The following SHROOM3 variants were observed in gnomAD, a reference collection of about 807,000 sequenced individuals.
The protein encoded by SHROOM3 is protein Shroom3.
Under a neutral mutation model 138.6 loss-of-function variants are expected in SHROOM3, and 47 were observed. The observed-to-expected ratio is 0.34, with a 90% confidence interval of 0.27 to 0.43. The LOEUF (loss-of-function observed/expected upper bound fraction) is 0.43, where lower values mean the gene tolerates loss of function less well. Ranked by LOEUF, SHROOM3 falls within the 20% of genes least tolerant of loss-of-function variation. SHROOM3 has a pLI of 1.00. For synonymous variants in SHROOM3, 1,062 were observed against 1,063.3 expected (o/e 1.00, Z 0.02); for missense variants, 2,491 against 2,596.5 (o/e 0.96, Z 0.88).
intron 1 of SHROOM3, among the ~76,000 whole-genome samples, chr4:76,447,839 T>G (rs945089173): frequency 6.6e-6 from 1 of 152,110 alleles, no homozygotes; most frequent in Non-Finnish European, 1.5e-5. Context: ...CTTGAAAGCA[T>G]TACTATCACA....
chr4:76,590,073 A>C (rs1257998631), intron 2 of SHROOM3, among the ~76,000 whole-genome samples: 2 of 152,188 alleles, frequency 1.3e-5, no homozygotes, highest in East Asian at 3.9e-4. Context: ...CTCTCTGGGC[A>C]CTAAAATGCT....
intron 2 of SHROOM3, among the ~76,000 whole-genome samples, chr4:76,608,260 A>G (rs1047847741): frequency 1.3e-5 from 2 of 152,216 alleles, no homozygotes; most frequent in South Asian, 4.1e-4. Flanking sequence ...GCATTCGTTC[A>G]TCAGTGAGCC....
At chr4:76,639,872 T>A (rs1254619580) in intron 2 of SHROOM3, among the ~76,000 whole-genome samples, 2 of 152,198 alleles carry the variant, frequency 1.3e-5, no homozygotes, top group Non-Finnish European at 2.9e-5. Context: ...CCTAAAGGAA[T>A]CTTATTTCTG....
At position 76,555,638 on chromosome 4, in the gene SHROOM3, G is replaced by A. The variant is rs1190315439; in HGVS notation, c.198G>A (p.Leu66=). 1 of 1,613,844 alleles carries A rather than the reference G, an allele frequency of 6.2e-7. No individual in the cohort carries two copies. Among genetic ancestry groups the A allele is most frequent in the African/African-American group, 1.3e-5 (1 of 74,896 alleles). Residue 66 remains leucine, a synonymous_variant, in exon 2 of 11, where the codon CTG becomes CTA. Coordinates refer to ENST00000296043, the MANE Select transcript of SHROOM3 (RefSeq NM_020859.4). ...AAGAAGGGGGCAAAGCAGACACCCT[G>A]AGCTCCAAACTGCAGGCTGGGGATG... The part of the protein sequence containing the change: ...KVEEGGKADT[L]SSKLQAGDEV...
chr4:76,442,013 C>A (rs182632309), intron 1 of SHROOM3, among the ~76,000 whole-genome samples: 60 of 152,348 alleles, frequency 3.9e-4, no homozygotes, highest in Admixed American at 5.2e-4. Flanking sequence ...TGAGCCACCC[C>A]ACTCGGCTTC....
At chr4:76,771,636 G>C (rs183408552) in intron 10 of SHROOM3, among the ~76,000 whole-genome samples, 1 of 152,242 alleles carries the variant, frequency 6.6e-6, no homozygotes, top group East Asian at 1.9e-4. Context: ...TCGAAGGGAG[G>C]GTACAGGGGG....
intron 2 of SHROOM3, among the ~76,000 whole-genome samples, chr4:76,680,449 C>G (rs1719160236): frequency 6.6e-6 from 1 of 152,178 alleles, no homozygotes; most frequent in Non-Finnish European, 1.5e-5. Context: ...CGACCTATAC[C>G]TTTTACAAGT....
chr4:76,468,756 G>A (rs578012155), intron 1 of SHROOM3, among the ~76,000 whole-genome samples: 18 of 152,152 alleles, frequency 1.2e-4, no homozygotes, highest in African/African-American at 3.9e-4. Context: ...ATGGCCTGGC[G>A]CGGTAGCTCA....
chr4:76,665,224 G>A (rs1179536397), intron 2 of SHROOM3, among the ~76,000 whole-genome samples: 3 of 152,206 alleles, frequency 2.0e-5, no homozygotes, highest in Non-Finnish European at 4.4e-5. Context: ...GCCTCCAACT[G>A]TGGAACCACC....
chr4:76,577,331 G>T (rs1733961452), intron 2 of SHROOM3, among the ~76,000 whole-genome samples: 1 of 152,174 alleles, frequency 6.6e-6, no homozygotes. Context: ...TGCTGGGGAA[G>T]GTCTGATTGT....
chr4:76,436,058 G>A lies in SHROOM3; in HGVS notation c.6G>A (p.Met2Ile), dbSNP rs757873200. The change falls in exon 1 of 11, where the codon ATG becomes ATA. Residue 2 changes from methionine to isoleucine, a missense_variant. By Grantham distance (10) the Met-to-Ile change is conservative. Transcript: ENST00000296043. ...TGAGGGATCATGTGTTTGGCATGAT[G>A]AGGACCACTGAAGACTTCCACAAGC... is the stretch of plus-strand genomic sequence containing the variant. M[M>I]RTTEDFHKPS... The A allele has an allele frequency of 2.5e-6, 4 of 1,613,908 alleles. No homozygotes were observed. The East Asian group carries it at 8.9e-5, about 36-fold the overall frequency.
intron 3 of SHROOM3, chr4:76,716,295 T>C (rs372520953): frequency 5.7e-4 from 294 of 518,890 alleles, no homozygotes; most frequent in Non-Finnish European, 1.0e-3. Flanking sequence ...GCTTTTACCA[T>C]GCTGTGGGGA....
At chr4:76,598,940 G>A (rs1733910551) in intron 2 of SHROOM3, among the ~76,000 whole-genome samples, 2 of 152,174 alleles carry the variant, frequency 1.3e-5, no homozygotes, top group Non-Finnish European at 2.9e-5. Context: ...GTGAGAAAAG[G>A]CTGCTCCAGG....
intron 3 of SHROOM3, among the ~76,000 whole-genome samples, chr4:76,721,501 G>A (rs1720552152): frequency 6.6e-6 from 1 of 152,176 alleles, no homozygotes; most frequent in Admixed American, 6.5e-5. Flanking sequence ...ATAAAGGTAT[G>A]AGGAAGCTCT....
At chr4:76,730,996 A>C in intron 4 of SHROOM3, 61 bp downstream of exon 4, 1 of 1,605,572 alleles carries the variant, frequency 6.2e-7, no homozygotes, top group South Asian at 1.1e-5. Context: ...TTCCCAGAAA[A>C]GAATGTTTTC....
At chr4:76,606,008 T>TATATATATA (rs1491237830) in intron 2 of SHROOM3, among the ~76,000 whole-genome samples, 4 of 77,256 alleles carry the variant, frequency 5.2e-5, no homozygotes, top group East Asian at 3.1e-4. Context: ...TATATATATA[T>TATATATATA]TTTTTTTTTT....
At chr4:76,763,295 G>A (rs1722044848) in intron 9 of SHROOM3, among the ~76,000 whole-genome samples, 1 of 151,980 alleles carries the variant, frequency 6.6e-6, no homozygotes, top group East Asian at 1.9e-4. Flanking sequence ...GCTGAGGCAG[G>A]AAAATTGCTT....
intron 1 of SHROOM3, among the ~76,000 whole-genome samples, chr4:76,547,932 A>AACACACACACACACACACACACACACAC (rs57089323): frequency 6.8e-6 from 1 of 146,074 alleles, no homozygotes; most frequent in East Asian, 2.1e-4. Flanking sequence ...CCTGTCTCAA[A>AACACACACACACACACACACACACACAC]ACACACACAC....
intron 10 of SHROOM3, among the ~76,000 whole-genome samples, chr4:76,774,402 A>G (rs1241891770): frequency 2.0e-5 from 3 of 152,212 alleles, no homozygotes; most frequent in Non-Finnish European, 2.9e-5. Flanking sequence ...GAGAAAAGGA[A>G]GAAAAATAGT....
Sources: gnomAD v4.1 joint callset for allele counts (sites outside exome capture counted in the v4.1 genomes callset) on GRCh38, gnomAD v4.1.1 for gene constraint, MANE v1.5 for transcripts, NCBI Gene and HGNC (gene_info 2026-07-23, HGNC 2026-07-21) for gene names.